Variants in SIRPA observed in about 807,000 individuals in gnomAD.
The protein encoded by SIRPA is signal regulatory protein alpha.
In SIRPA, 9 loss-of-function variants were observed where a neutral mutation model predicts 50.3. That is an observed-to-expected ratio of 0.18 (90% CI 0.11 to 0.31). The LOEUF (loss-of-function observed/expected upper bound fraction) is 0.31. Ranked by LOEUF, SIRPA falls within the 10% of genes least tolerant of loss-of-function variation. The probability of loss-of-function intolerance (pLI) is 1.00; values close to 1 mark genes in which losing one functional copy is unlikely to be tolerated. For synonymous variants in SIRPA, 265 were observed against 284.1 expected (o/e 0.93, Z 0.68); for missense variants, 474 against 661.6 (o/e 0.72, Z 3.11).
rs1351237737 is a variant in SIRPA at position 1,937,579 on chromosome 20, G to T, written c.*11G>T. On this transcript the variant is annotated 3_prime_UTR_variant, in exon 8 of 8. Coordinates refer to ENST00000358771, the MANE Select transcript of SIRPA (RefSeq NM_001040023.2). The surrounding 1 kb of genome is among the most constrained non-coding windows in gnomAD (Gnocchi z 8.3). ...GTCCCGAGGAAGTGAATGGGACCGT[G>T]GTTTGCTCTAGCACCCATCTCTACG... The T allele has an allele frequency of 6.2e-7, 1 of 1,613,694 alleles. No homozygotes were observed.
In SIRPA at chr20:1,937,238, C is replaced by T; in HGVS notation, c.1267-82C>T. On this transcript the variant is annotated intron_variant, in intron 7 of 7. Coordinates refer to ENST00000358771, the MANE Select transcript of SIRPA (RefSeq NM_001040023.2). This position sits in a 1 kb window ranked among gnomAD's most constrained non-coding sequence, Gnocchi z 8.3. Reference sequence around the variant, plus strand: ...CCGAGAGGACACAGAAGCATCCAGACTTGGTATTCAGTTTGAGTGAGTGGG... The same window carrying T: ...CCGAGAGGACACAGAAGCATCCAGATTTGGTATTCAGTTTGAGTGAGTGGG... 1 of 1,506,148 alleles carries T rather than the reference C, an allele frequency of 6.6e-7. No individual in the cohort carries two copies. The highest frequency in any genetic ancestry group is 9.0e-7 in the Non-Finnish European group (1 of 1,105,912). 93.3% of individuals were successfully genotyped at this position (1,506,148 alleles called of 1,614,324 possible). A position where few individuals can be genotyped will look rare whatever the true frequency, so the allele number is the denominator to read the frequency against.
chr20:1,896,464 G>A (rs1983832849), intron 1 of SIRPA, among the ~76,000 whole-genome samples: 1 of 148,988 alleles, frequency 6.7e-6, no homozygotes, highest in African/African-American at 2.5e-5. Context: ...GGGGCGGGGG[G>A]AGCAGAGAAA....
chr20:1,901,323 G>A (rs568117716), intron 1 of SIRPA, among the ~76,000 whole-genome samples: 6 of 151,660 alleles, frequency 4.0e-5, no homozygotes, highest in African/African-American at 7.3e-5. Flanking sequence ...GGCGCACACC[G>A]TCACGCCCAG....
chr20:1,925,348 T>A (rs1424853373), intron 5 of SIRPA, among the ~76,000 whole-genome samples: 3 of 152,198 alleles, frequency 2.0e-5, no homozygotes, highest in African/African-American at 7.2e-5. Context: ...ATGGGAAATG[T>A]TAGGGAAGTA....
intron 1 of SIRPA, among the ~76,000 whole-genome samples, chr20:1,904,343 C>G (rs1057162821): frequency 6.6e-6 from 1 of 152,188 alleles, no homozygotes; most frequent in Non-Finnish European, 1.5e-5. Flanking sequence ...TGAAACATGA[C>G]GTAATTAGTG....
At chr20:1,917,696 G>A (rs139511200) in intron 2 of SIRPA, among the ~76,000 whole-genome samples, 32 of 152,284 alleles carry the variant, frequency 2.1e-4, no homozygotes, top group African/African-American at 7.2e-4. Flanking sequence ...GCCTCCTGCA[G>A]CCCAGCAGAC....
intron 1 of SIRPA, among the ~76,000 whole-genome samples, chr20:1,902,754 A>G (rs550365432): frequency 2.1e-4 from 32 of 152,246 alleles, no homozygotes; most frequent in African/African-American, 7.5e-4. Context: ...GCTCACGCCT[A>G]TAATCCCAGC....
At chr20:1,910,143 C>T (rs921283774) in intron 1 of SIRPA, among the ~76,000 whole-genome samples, 4 of 152,060 alleles carry the variant, frequency 2.6e-5, no homozygotes, top group African/African-American at 7.2e-5. Context: ...ATCTTTGCCT[C>T]GAGGGTGGAA....
chr20:1,915,980 A>C (rs928594458), intron 2 of SIRPA, among the ~76,000 whole-genome samples: 27 of 152,374 alleles, frequency 1.8e-4, no homozygotes, highest in African/African-American at 6.0e-4. Flanking sequence ...CCAACTGAGA[A>C]GATTCCTAAA....
intron 2 of SIRPA, among the ~76,000 whole-genome samples, chr20:1,918,352 C>T (rs1029995525): frequency 1.3e-5 from 2 of 149,670 alleles, no homozygotes; most frequent in African/African-American, 2.5e-5. Context: ...CACCCACCAC[C>T]ACACCAGCTT....
At chr20:1,901,637 T>G (rs1984218469) in intron 1 of SIRPA, among the ~76,000 whole-genome samples, 1 of 152,156 alleles carries the variant, frequency 6.6e-6, no homozygotes, top group African/African-American at 2.4e-5. Context: ...GATGAAGCCC[T>G]CCACGAGATG....
In SIRPA at chr20:1,927,455, A is replaced by G. The variant is rs181818870; in HGVS notation, c.1202-420A>G. On this transcript the variant is annotated intron_variant, in intron 5 of 7. Coordinates refer to ENST00000358771, the MANE Select transcript of SIRPA (RefSeq NM_001040023.2). The surrounding 1 kb of genome is among the most constrained non-coding windows in gnomAD (Gnocchi z 6.5). ...CACATGGTGAGTGAGTGGGTAGCAG[A>G]CCCGGGGTTCACACATGATCCCCGA... Among the ~76,000 whole-genome samples the G allele has an allele frequency of 3.6e-4, 55 of 152,254 alleles. No homozygotes were observed. In the East Asian group the frequency reaches 6.0e-3, roughly 17 times the overall value.
intron 1 of SIRPA, among the ~76,000 whole-genome samples, chr20:1,912,457 C>T (rs1387615056): frequency 1.3e-5 from 2 of 152,244 alleles, no homozygotes; most frequent in Non-Finnish European, 2.9e-5. Flanking sequence ...GACATCCTTC[C>T]TTCCTTCATT....
chr20:1,909,380 C>A (rs1275072721), intron 1 of SIRPA, among the ~76,000 whole-genome samples: 2 of 152,256 alleles, frequency 1.3e-5, no homozygotes, highest in African/African-American at 4.8e-5. Context: ...TCCTTCTCCC[C>A]ACCCCTTGAG....
At chr20:1,895,551 G>T in intron 1 of SIRPA, 25 bp downstream of exon 1, 2 of 1,410,748 alleles carry the variant, frequency 1.4e-6, no homozygotes, top group South Asian at 1.5e-5. Flanking sequence ...GCTCCCCACC[G>T]CTGCACTCCC....
At chr20:1,894,620 C>T (rs1983645115), upstream of SIRPA, 1 of 150,982 alleles carries the variant, frequency 6.6e-6, no homozygotes, top group South Asian at 2.1e-4. The surrounding 1 kb of genome is among the most constrained non-coding windows in gnomAD (Gnocchi z 4.0). Flanking sequence ...GCCGGAGGCT[C>T]GTCTAGTCCC....
Position 1,915,295 on chromosome 20 carries a change from T to A in SIRPA, c.276T>A (p.Thr92=). 6.2e-7 allele frequency: 1 copy of A among 1,613,552 alleles called. No individual in the cohort carries two copies. Among genetic ancestry groups the A allele is most frequent in the African/African-American group, 1.3e-5 (1 of 74,908 alleles). ...QKEGHFPRVT[T]VSDLTKRNNM... is the part of the protein sequence containing the mutation. ...AAGGCCACTTCCCCCGGGTAACAAC[T>A]GTTTCAGACCTCACAAAGAGAAACA... The change falls in exon 2 of 8, where the codon ACT becomes ACA. Residue 92 remains threonine, a synonymous_variant. Coordinates refer to ENST00000358771, the MANE Select transcript of SIRPA (RefSeq NM_001040023.2).
chr20:1,908,397 A>G (rs1022518306), intron 1 of SIRPA, among the ~76,000 whole-genome samples: 1 of 151,862 alleles, frequency 6.6e-6, no homozygotes, highest in Admixed American at 6.6e-5. Context: ...ACTCACGTGC[A>G]TGCCGCTCCT....
chr20:1,922,563 T>C lies in SIRPA; in HGVS notation c.1005T>C (p.His335=), dbSNP rs780707726. Residue 335 remains histidine (H), a synonymous_variant, in exon 4 of 8, where the codon CAT becomes CAC. Transcript: ENST00000358771. ...DDVKLTCQVE[H]DGQPAVSKSH... ...TGAAGCTCACCTGCCAGGTGGAGCATGACGGGCAGCCAGCGGTCAGCAAAA... is the reference window on the plus strand; with the variant it reads ...TGAAGCTCACCTGCCAGGTGGAGCACGACGGGCAGCCAGCGGTCAGCAAAA... 2.1e-5 allele frequency: 34 copies of C among 1,614,074 alleles called. No individual in the cohort carries two copies. The highest frequency in any genetic ancestry group is 2.8e-5 in the Non-Finnish European group (33 of 1,180,044).
Sources: allele counts gnomAD v4.1 joint callset (sites outside exome capture counted in the v4.1 genomes callset), GRCh38; gene constraint gnomAD v4.1.1; non-coding constraint Gnocchi (gnomAD v3.1); transcripts MANE v1.5; gene names NCBI Gene and HGNC (gene_info 2026-07-23, HGNC 2026-07-21).